KCNIP4: variants seen among roughly 807,000 people sequenced by gnomAD.
KCNIP4 encodes the protein potassium voltage-gated channel interacting protein 4.
KCNIP4 carries 12 observed loss-of-function variants against 34.0 expected under a neutral mutation model. The ratio of observed to expected loss-of-function variants is 0.35; its 90% CI spans 0.23 to 0.57. The LOEUF is 0.57. KCNIP4 is among the 20% of genes least tolerant of loss of function. The probability of loss-of-function intolerance (pLI) is 0.83; values close to 1 mark genes in which losing one functional copy is unlikely to be tolerated. For synonymous variants in KCNIP4, 124 were observed against 102.2 expected, an observed-to-expected ratio of 1.21 and a Z score of -1.29; for missense variants, 238 against 311.7, an observed-to-expected ratio of 0.76 and a Z score of 1.78.
chr4:21,486,947 A>G (rs1245371374), intron 1 of KCNIP4, among the ~76,000 whole-genome samples: 2 of 151,764 alleles, frequency 1.3e-5, no homozygotes, highest in Admixed American at 6.6e-5. Context: ...ACAGGTGTGC[A>G]TCATCACACC....
At chr4:21,869,342 T>C (rs1374080335) in intron 1 of KCNIP4, among the ~76,000 whole-genome samples, 1 of 152,148 alleles carries the variant, frequency 6.6e-6, no homozygotes, top group African/African-American at 2.4e-5. Flanking sequence ...CTCTACCCAG[T>C]AGGCTCCTAG....
intron 1 of KCNIP4, among the ~76,000 whole-genome samples, chr4:21,431,254 G>A (rs573907972): frequency 1.3e-5 from 2 of 152,026 alleles, no homozygotes; most frequent in African/African-American, 2.4e-5. Context: ...AAAATTCAGG[G>A]AAAAGTTAAG....
chr4:21,706,380 T>C (rs561551060), intron 1 of KCNIP4, among the ~76,000 whole-genome samples: 7 of 152,104 alleles, frequency 4.6e-5, no homozygotes, highest in African/African-American at 9.7e-5. Context: ...CAGCTCATCA[T>C]GTGATAAGAA....
At chr4:20,821,066 G>T (rs1194157045) in intron 3 of KCNIP4, among the ~76,000 whole-genome samples, 1 of 152,138 alleles carries the variant, frequency 6.6e-6, no homozygotes, top group African/African-American at 2.4e-5. Flanking sequence ...CTCTACTAGG[G>T]TAATGCCTGA....
At chr4:21,797,624 G>A (rs1003600393) in intron 1 of KCNIP4, among the ~76,000 whole-genome samples, 1 of 152,108 alleles carries the variant, frequency 6.6e-6, no homozygotes, top group Non-Finnish European at 1.5e-5. Context: ...TCTATAGGAT[G>A]TCATTGTTAT....
chr4:20,907,380 G>T (rs973336722), intron 1 of KCNIP4, among the ~76,000 whole-genome samples: 1 of 152,012 alleles, frequency 6.6e-6, no homozygotes, highest in Non-Finnish European at 1.5e-5. Context: ...TTGCAACTTT[G>T]GTTCAGTTAT....
intron 1 of KCNIP4, among the ~76,000 whole-genome samples, chr4:21,245,411 T>A (rs1760125594): frequency 6.6e-6 from 1 of 152,204 alleles, no homozygotes; most frequent in Admixed American, 6.5e-5. Flanking sequence ...CAAATTTAAA[T>A]ATAAGCTCCA....
chr4:21,228,996 T>C (rs1445620226), intron 1 of KCNIP4, among the ~76,000 whole-genome samples: 1 of 152,188 alleles, frequency 6.6e-6, no homozygotes, highest in East Asian at 1.9e-4. Flanking sequence ...GATCTAATTC[T>C]CACCTAAATT....
rs566544193 is a variant in KCNIP4 at position 21,247,798 on chromosome 4, T to C, written c.62-365089A>G. 3.4e-3 allele frequency among the ~76,000 whole-genome samples: 297 copies of C among 86,722 alleles called. 8 individuals are homozygous for C. Among genetic ancestry groups the C allele is most frequent in the South Asian group, 0.027 (70 of 2,560 alleles). 56.9% of individuals were successfully genotyped at this position (86,722 alleles called of 152,430 possible). On this transcript the variant is annotated intron_variant, in intron 1 of 8. Coordinates refer to ENST00000382152, the MANE Select transcript of KCNIP4 (RefSeq NM_025221.6). ...GTTTTTTATATATATACACCACAGG[T>C]GGATATATATATATATATATATACA...
intron 1 of KCNIP4, among the ~76,000 whole-genome samples, chr4:21,466,388 T>C (rs1306396763): frequency 6.6e-6 from 1 of 152,206 alleles, no homozygotes; most frequent in Non-Finnish European, 1.5e-5. Flanking sequence ...AAACTGATCA[T>C]TAACTTCATT....
chr4:21,916,064 G>A (rs1482601843), intron 1 of KCNIP4, among the ~76,000 whole-genome samples: 1 of 152,202 alleles, frequency 6.6e-6, no homozygotes, highest in East Asian at 1.9e-4. Flanking sequence ...TGTCCTTGAA[G>A]CCTGCATCCA....
At chr4:21,043,720 A>AT (rs1742166633) in intron 1 of KCNIP4, among the ~76,000 whole-genome samples, 1 of 152,114 alleles carries the variant, frequency 6.6e-6, no homozygotes, top group Non-Finnish European at 1.5e-5. Context: ...AGAAACTGCT[A>AT]TTTTTTCAGA....
intron 1 of KCNIP4, among the ~76,000 whole-genome samples, chr4:21,708,640 GT>G (rs2109073080): frequency 6.6e-6 from 1 of 152,194 alleles, no homozygotes; most frequent in Admixed American, 6.5e-5. Flanking sequence ...TGTGGTCTTG[GT>G]AATGCATTCC....
chr4:20,856,177 C>T (rs1179133090), intron 2 of KCNIP4, among the ~76,000 whole-genome samples: 1 of 152,108 alleles, frequency 6.6e-6, no homozygotes, highest in Non-Finnish European at 1.5e-5. Flanking sequence ...ATTGTATTTG[C>T]CAATGCAGGA....
intron 1 of KCNIP4, among the ~76,000 whole-genome samples, chr4:21,796,899 G>T (rs1159016205): frequency 2.0e-5 from 3 of 152,180 alleles, no homozygotes; most frequent in African/African-American, 7.2e-5. Flanking sequence ...TAAAATGATT[G>T]TTTTTATCAA....
intron 1 of KCNIP4, among the ~76,000 whole-genome samples, chr4:21,011,345 T>C (rs987566477): frequency 3.3e-5 from 5 of 152,166 alleles, no homozygotes; most frequent in African/African-American, 9.7e-5. Context: ...GATCACTGAG[T>C]CATAAGAGTA....
chr4:21,425,577 G>A (rs1002566779), intron 1 of KCNIP4, among the ~76,000 whole-genome samples: 2 of 152,006 alleles, frequency 1.3e-5, no homozygotes, highest in African/African-American at 2.4e-5. Flanking sequence ...AAGATATTTT[G>A]TATATTCAAA....
intron 1 of KCNIP4, among the ~76,000 whole-genome samples, chr4:21,173,449 A>G (rs536248818): frequency 2.0e-5 from 3 of 152,296 alleles, no homozygotes; most frequent in African/African-American, 7.2e-5. Flanking sequence ...TTCAACAGTC[A>G]ATAGCAGAGC....
At chr4:20,781,679 AT>A (rs1266688165) in intron 3 of KCNIP4, among the ~76,000 whole-genome samples, 4 of 152,158 alleles carry the variant, frequency 2.6e-5, no homozygotes, top group African/African-American at 9.7e-5. Flanking sequence ...ATTATCTCCC[AT>A]TGGGTCCCTC....
Sources: gnomAD v4.1 joint callset for allele counts (sites outside exome capture counted in the v4.1 genomes callset) on GRCh38, gnomAD v4.1.1 for gene constraint, MANE v1.5 for transcripts, NCBI Gene and HGNC (gene_info 2026-07-23, HGNC 2026-07-21) for gene names.